Variants in MYH10 observed in about 807,000 individuals in gnomAD.
The protein encoded by MYH10 is myosin heavy chain 10, also known as myosin-10.
A neutral mutation model predicts 257.8 loss-of-function variants in MYH10; 55 were observed. The ratio of observed to expected loss-of-function variants is 0.21; its 90% CI spans 0.17 to 0.27. MYH10 has a LOEUF of 0.27. Among genes scored for constraint, MYH10 ranks in the 10% least tolerant of loss-of-function variants. The pLI is 1.00. For missense variants in MYH10, 1,631 were observed against 2,500.6 expected, an observed-to-expected ratio of 0.65 and a Z score of 7.42; for synonymous variants, 854 against 921.7, an observed-to-expected ratio of 0.93 and a Z score of 1.33.
chr17:8,521,336 C>G (rs1438676122), intron 17 of MYH10, 51 bp from the exon 18 acceptor site: 2 of 1,569,280 alleles, frequency 1.3e-6, no homozygotes, highest in Non-Finnish European at 1.8e-6. Flanking sequence ...CACTCGTTAG[C>G]AGGGAAAGAA....
chr17:8,543,744 T>C (rs1435340481), intron 13 of MYH10, among the ~76,000 whole-genome samples: 1 of 152,224 alleles, frequency 6.6e-6, no homozygotes, highest in Admixed American at 6.5e-5. Context: ...AGTGCTGGGA[T>C]TACAGGCGTG....
chr17:8,558,681 C>T lies in MYH10; in HGVS notation c.757-4663G>A, dbSNP rs188764724. Among the ~76,000 whole-genome samples the T allele has an allele frequency of 3.5e-3, 537 of 152,326 alleles. 8 individuals carry two copies. Among genetic ancestry groups the T allele is most frequent in the African/African-American group, 0.012 (500 of 41,578 alleles). On this transcript the variant is annotated intron_variant, in intron 7 of 42. Coordinates refer to ENST00000360416, the MANE Select transcript of MYH10 (RefSeq NM_001256012.3). Reference sequence around the variant, plus strand: ...TCTCTCTTCTGCCAGTAGGCTCTTACTTATTATTGCCTTTGCATTGTCAGA... The same window carrying T: ...TCTCTCTTCTGCCAGTAGGCTCTTATTTATTATTGCCTTTGCATTGTCAGA...
At chr17:8,478,974 T>C (rs991171088) in intron 40 of MYH10, among the ~76,000 whole-genome samples, 14 of 152,322 alleles carry the variant, frequency 9.2e-5, no homozygotes, top group Admixed American at 6.5e-4. Context: ...TCAGGTGATC[T>C]GCCCGCCCTG....
chr17:8,577,118 G>A, intron 5 of MYH10, 118 bp downstream of exon 5: 5 of 679,458 alleles, frequency 7.4e-6, no homozygotes, highest in Non-Finnish European at 1.2e-5. Context: ...CGGGGAGCAG[G>A]TGGAGACAAG....
At position 8,506,524 on chromosome 17, in the gene MYH10, C is replaced by A. The variant is rs752930246; in HGVS notation, c.3215-35G>T. 1 of 1,587,122 alleles carries A rather than the reference C, an allele frequency of 6.3e-7. No homozygotes were observed. Among genetic ancestry groups the A allele is most frequent in the Non-Finnish European group, 8.5e-7 (1 of 1,170,470 alleles). ...AAGACATAAGAAGCTCTTCAACACACCGAGTGACTCACCACAGGAATAAAC... is the reference window on the plus strand; with the variant it reads ...AAGACATAAGAAGCTCTTCAACACAACGAGTGACTCACCACAGGAATAAAC... On this transcript the variant is annotated intron_variant, in intron 26 of 42. Coordinates refer to ENST00000360416, the MANE Select transcript of MYH10 (RefSeq NM_001256012.3). This position sits in a 1 kb window ranked among gnomAD's most constrained non-coding sequence, Gnocchi z 5.0.
chr17:8,513,419 T>C lies in MYH10; in HGVS notation c.2745+119A>G, dbSNP rs79769861. On this transcript the variant is annotated intron_variant, in intron 23 of 42. Coordinates refer to ENST00000360416, the MANE Select transcript of MYH10 (RefSeq NM_001256012.3). ...TGGAAATGAGTGAAAAGGCCTCCCA[T>C]AAAATAAGATGATATGGTGGGTACA... The C allele has an allele frequency of 0.011, 15,420 of 1,434,304 alleles. 1,202 individuals carry two copies. The African/African-American group carries it at 0.18, about 17-fold the overall frequency. 88.8% of individuals were successfully genotyped at this position (1,434,304 alleles called of 1,614,324 possible).
intron 35 of MYH10, among the ~76,000 whole-genome samples, 200 bp from the exon 36 acceptor site, chr17:8,487,794 C>T (rs941556889): frequency 2.0e-5 from 3 of 152,112 alleles, no homozygotes; most frequent in African/African-American, 7.2e-5. Flanking sequence ...CTTTAAACAC[C>T]ACCACCTAGT....
chr17:8,499,235 G>C (rs1917143674), intron 30 of MYH10, 35 bp downstream of exon 30: 1 of 1,593,506 alleles, frequency 6.3e-7, no homozygotes, highest in Non-Finnish European at 8.6e-7. Flanking sequence ...ACATGCTACA[G>C]TGGGACGTGT....
At chr17:8,596,711 A>G (rs989023281) in intron 3 of MYH10, among the ~76,000 whole-genome samples, 1 of 151,534 alleles carries the variant, frequency 6.6e-6, no homozygotes, top group Non-Finnish European at 1.5e-5. Flanking sequence ...TGTTACCCTC[A>G]CAAGATCACT....
intron 7 of MYH10, among the ~76,000 whole-genome samples, chr17:8,564,754 A>C (rs1292473458): frequency 6.6e-6 from 1 of 152,220 alleles, no homozygotes; most frequent in South Asian, 2.1e-4. Context: ...AAAGATACAA[A>C]GTCCCTACTG....
rs764869831 is a variant in MYH10 at position 8,481,340 on chromosome 17, G to T, written c.5246C>A (p.Thr1749Asn). Residue 1749 changes from threonine (T) to asparagine (N), a missense_variant, in exon 38 of 43, where the codon ACC becomes AAC. Around this residue, in one of 11 missense-constraint regions of MYH10, gnomAD observed 343 missense variants for 389.5 expected, o/e 0.88. Coordinates refer to ENST00000360416, the MANE Select transcript of MYH10 (RefSeq NM_001256012.3). ...QERDELADEI[T>N]NSASGKSALL... ...GACTCACTTGCCAGAGGCGCTGTTG[G>T]TGATCTCGTCCGCCAGCTCATCTCT... 1 of 1,614,010 alleles carries T rather than the reference G, an allele frequency of 6.2e-7. No individual in the cohort carries two copies. The highest frequency in any genetic ancestry group is 1.1e-5 in the South Asian group (1 of 91,080).
intron 24 of MYH10, chr17:8,511,027 T>TATATAA (rs1220596161): frequency 2.8e-3 from 12 of 4,282 alleles, no homozygotes; most frequent in African/African-American, 3.3e-3. Context: ...TATATATATA[T>TATATAA]ATATATATAT....
intron 42 of MYH10, 72 bp from the exon 43 acceptor site, chr17:8,476,020 C>A: frequency 6.6e-7 from 1 of 1,510,168 alleles, no homozygotes; most frequent in Non-Finnish European, 8.9e-7. Flanking sequence ...TGTTCAACCA[C>A]TCAATGCCAC....
intron 24 of MYH10, 38 bp from the exon 25 acceptor site, chr17:8,509,987 G>C: frequency 6.5e-7 from 1 of 1,539,712 alleles, no homozygotes; most frequent in South Asian, 1.2e-5. Context: ...CCACTTTCTC[G>C]AGATTTGACC....
Position 8,542,173 on chromosome 17 carries a change from G to A in MYH10, c.1539C>T (p.Gly513=). Reference sequence around the variant, plus strand: ...CGAAATCGATGAAGTTCCACTCGATGCCTTCGCGCTGGTATTCCTCTTGTT... The same window carrying A: ...CGAAATCGATGAAGTTCCACTCGATACCTTCGCGCTGGTATTCCTCTTGTT... ...ILEQEEYQRE[G]IEWNFIDFGL... is the part of the protein sequence containing the mutation. Residue 513 remains glycine (G), a synonymous_variant, in exon 14 of 43, where the codon GGC becomes GGT. Coordinates refer to ENST00000360416, the MANE Select transcript of MYH10 (RefSeq NM_001256012.3). 6.2e-7 allele frequency: 1 copy of A among 1,614,162 alleles called. No individual in the cohort carries two copies. Among genetic ancestry groups the A allele is most frequent in the Non-Finnish European group, 8.5e-7 (1 of 1,180,022 alleles).
At chr17:8,585,254 A>ATG (rs1160222199) in intron 4 of MYH10, among the ~76,000 whole-genome samples, 1 of 120,342 alleles carries the variant, frequency 8.3e-6, no homozygotes, top group Non-Finnish European at 1.8e-5. Flanking sequence ...GTATATATCT[A>ATG]TATATGTGTA....
At chr17:8,600,996 G>C (rs1356434326) in intron 3 of MYH10, among the ~76,000 whole-genome samples, 1 of 152,182 alleles carries the variant, frequency 6.6e-6, no homozygotes, top group African/African-American at 2.4e-5. Context: ...GGAGTATTAT[G>C]GAAATGAAAA....
chr17:8,537,536 C>G (rs116559841), intron 14 of MYH10, among the ~76,000 whole-genome samples: 8 of 152,162 alleles, frequency 5.3e-5, no homozygotes, highest in Non-Finnish European at 1.2e-4. Flanking sequence ...AGACAGTAAT[C>G]TGAAGCAACT....
At chr17:8,576,753 G>GC in intron 5 of MYH10, 81 bp from the exon 6 acceptor site, 1 of 1,372,518 alleles carries the variant, frequency 7.3e-7, no homozygotes, top group Non-Finnish European at 1.0e-6. Flanking sequence ...AAAGCACCAA[G>GC]CCAATGTGCA....
Sources: gnomAD v4.1 joint callset for allele counts (sites outside exome capture counted in the v4.1 genomes callset) on GRCh38, gnomAD v4.1.1 for gene constraint, gnomAD v4.1.1 regional missense constraint, Gnocchi (gnomAD v3.1) non-coding constraint, MANE v1.5 for transcripts, NCBI Gene and HGNC (gene_info 2026-07-23, HGNC 2026-07-21) for gene names.